PAPPA2: variants seen among roughly 807,000 people sequenced by gnomAD.
The protein encoded by PAPPA2 is pappalysin 2.
A neutral mutation model predicts 176.4 loss-of-function variants in PAPPA2; 86 were observed. That is an observed-to-expected ratio of 0.49 (90% CI 0.41 to 0.58). The LOEUF is 0.58. Among genes scored for constraint, PAPPA2 ranks in the 20% least tolerant of loss-of-function variants. The pLI, the probability that PAPPA2 is intolerant of heterozygous loss-of-function variation, is 0.00. For missense variants in PAPPA2, 2,073 were observed against 2,256.9 expected, an observed-to-expected ratio of 0.92 and a Z score of 1.65; for synonymous variants, 809 against 852.2, an observed-to-expected ratio of 0.95 and a Z score of 0.88.
At chr1:176,788,407 G>A (rs758595081) in intron 17 of PAPPA2, among the ~76,000 whole-genome samples, 1 of 152,168 alleles carries the variant, frequency 6.6e-6, no homozygotes, top group African/African-American at 2.4e-5. Flanking sequence ...AACATGCAAG[G>A]GTTGGTGGGC....
intron 18 of PAPPA2, among the ~76,000 whole-genome samples, chr1:176,790,999 G>A (rs1665150197): frequency 6.6e-6 from 1 of 152,102 alleles, no homozygotes; most frequent in Non-Finnish European, 1.5e-5. Context: ...AGTAGGGGAT[G>A]AATCAGTGTA....
chr1:176,790,907 A>C (rs548176664), intron 18 of PAPPA2, among the ~76,000 whole-genome samples: 226 of 152,352 alleles, frequency 1.5e-3, no homozygotes, highest in African/African-American at 5.4e-3. Context: ...ACACACCTTT[A>C]GGAAATATTA....
intron 2 of PAPPA2, among the ~76,000 whole-genome samples, chr1:176,590,617 C>T (rs1334158970): frequency 6.6e-6 from 1 of 152,178 alleles, no homozygotes; most frequent in Non-Finnish European, 1.5e-5. Flanking sequence ...TCACAACAAC[C>T]TCATGAGGTT....
At chr1:176,681,155 T>C (rs1354069860) in intron 4 of PAPPA2, among the ~76,000 whole-genome samples, 1 of 152,022 alleles carries the variant, frequency 6.6e-6, no homozygotes, top group Non-Finnish European at 1.5e-5. Flanking sequence ...TCCCCTGGGG[T>C]CCACAGCTAC....
At chr1:176,512,694 T>C (rs1289217166) in intron 1 of PAPPA2, among the ~76,000 whole-genome samples, 1 of 152,186 alleles carries the variant, frequency 6.6e-6, no homozygotes, top group African/African-American at 2.4e-5. Context: ...CACTGATGTG[T>C]GCATATATAT....
chr1:176,469,287 A>G (rs1445377968), intron 1 of PAPPA2, among the ~76,000 whole-genome samples: 2 of 151,886 alleles, frequency 1.3e-5, no homozygotes, highest in Non-Finnish European at 2.9e-5. Flanking sequence ...GTTTCTGATC[A>G]CTCTGTGGTA....
At chr1:176,505,863 G>T (rs946199789) in intron 1 of PAPPA2, among the ~76,000 whole-genome samples, 3 of 152,004 alleles carry the variant, frequency 2.0e-5, no homozygotes, top group African/African-American at 7.2e-5. Context: ...TTGAATACTT[G>T]AACATGCATG....
chr1:176,826,321 A>G (rs1314430163), intron 21 of PAPPA2, among the ~76,000 whole-genome samples: 1 of 152,236 alleles, frequency 6.6e-6, no homozygotes, highest in Non-Finnish European at 1.5e-5. Flanking sequence ...GAGATATGCC[A>G]ATGAACTCTG....
chr1:176,482,007 C>T (rs577555612), intron 1 of PAPPA2, among the ~76,000 whole-genome samples: 3 of 152,086 alleles, frequency 2.0e-5, no homozygotes, highest in Non-Finnish European at 2.9e-5. Flanking sequence ...CCACCACAGC[C>T]GGACAAGAAT....
chr1:176,584,713 T>C (rs1443090727), intron 2 of PAPPA2, among the ~76,000 whole-genome samples: 3 of 85,064 alleles, frequency 3.5e-5, no homozygotes, highest in Non-Finnish European at 7.4e-5. Context: ...TTTTCTGCAG[T>C]GATAAGGTTT....
At position 176,709,406 on chromosome 1, in the gene PAPPA2, TA is replaced by T. The variant is rs945870883; in HGVS notation, c.3458-568del. ...ACACCTCACAGGGTTGTCCTAAGAC[TA>T]AAAAAAAATTAATAACATATGTAAG... On this transcript the variant is annotated intron_variant, in intron 10 of 22. Coordinates refer to ENST00000367662, the MANE Select transcript of PAPPA2 (RefSeq NM_020318.3). 1.3e-3 allele frequency among the ~76,000 whole-genome samples: 200 copies of T among 151,304 alleles called. 1 individual carries two copies. Among genetic ancestry groups the T allele is most frequent in the African/African-American group, 4.4e-3 (180 of 41,304 alleles).
At chr1:176,493,769 C>G (rs1488660348) in intron 1 of PAPPA2, among the ~76,000 whole-genome samples, 1 of 152,164 alleles carries the variant, frequency 6.6e-6, no homozygotes, top group African/African-American at 2.4e-5. Flanking sequence ...CAAGGAAACT[C>G]ACAGAATGGG....
chr1:176,657,244 G>A (rs1411294660), intron 3 of PAPPA2, among the ~76,000 whole-genome samples: 3 of 151,930 alleles, frequency 2.0e-5, no homozygotes, highest in African/African-American at 7.2e-5. Context: ...AGTTATCCTG[G>A]AGATAGGCAT....
At chr1:176,631,588 C>T (rs1656341458) in intron 3 of PAPPA2, among the ~76,000 whole-genome samples, 1 of 152,024 alleles carries the variant, frequency 6.6e-6, no homozygotes, top group African/African-American at 2.4e-5. Flanking sequence ...AATCAAACTG[C>T]AGTAATGAGG....
intron 4 of PAPPA2, among the ~76,000 whole-genome samples, chr1:176,687,119 A>G (rs7540152): frequency 0.2 from 30,084 of 152,200 alleles, 3,238 homozygotes; most frequent in African/African-American, 0.29. Context: ...ACATGTAGTT[A>G]CTGAACCCAT....
intron 17 of PAPPA2, among the ~76,000 whole-genome samples, chr1:176,780,663 G>A (rs1377001330): frequency 6.6e-6 from 1 of 151,876 alleles, no homozygotes; most frequent in South Asian, 2.1e-4. Flanking sequence ...TGTCAGGTCA[G>A]TATTCCAACC....
chr1:176,623,627 T>TAC (rs1558479107), intron 3 of PAPPA2, among the ~76,000 whole-genome samples: 2,354 of 81,176 alleles, frequency 0.029, 22 homozygotes, highest in Middle Eastern at 0.064. Context: ...TCCTTCCTTT[T>TAC]TTACTTTCTT....
At chr1:176,532,795 G>A (rs144816968) in intron 1 of PAPPA2, among the ~76,000 whole-genome samples, 122 of 152,210 alleles carry the variant, frequency 8.0e-4, no homozygotes, top group African/African-American at 2.8e-3. Context: ...CTTTGTTCTC[G>A]GCTCCCTAGA....
intron 14 of PAPPA2, among the ~76,000 whole-genome samples, chr1:176,754,839 C>G (rs1209250175): frequency 6.6e-6 from 1 of 152,152 alleles, no homozygotes; most frequent in African/African-American, 2.4e-5. Flanking sequence ...ACAGATTTGA[C>G]CGTAAGCTCT....
Sources: allele counts gnomAD v4.1 joint callset (sites outside exome capture counted in the v4.1 genomes callset), GRCh38; gene constraint gnomAD v4.1.1; transcripts MANE v1.5; gene names NCBI Gene and HGNC (gene_info 2026-07-23, HGNC 2026-07-21).